Variants in ACTN1 observed in about 807,000 individuals in gnomAD.
The protein encoded by ACTN1 is actinin alpha 1, also known as alpha-actinin-1.
A neutral mutation model predicts 119.6 loss-of-function variants in ACTN1; 30 were observed. The ratio of observed to expected loss-of-function variants is 0.25; its 90% CI spans 0.19 to 0.34. The LOEUF (loss-of-function observed/expected upper bound fraction) is 0.34. Among genes scored for constraint, ACTN1 ranks in the 10% least tolerant of loss-of-function variants. ACTN1 has a pLI of 1.00. For synonymous variants in ACTN1, 429 were observed against 472.6 expected (o/e 0.91, Z 1.20); for missense variants, 764 against 1,223.4 (o/e 0.62, Z 5.60).
At chr14:68,975,831 G>A (rs1221804564) in intron 1 of ACTN1, among the ~76,000 whole-genome samples, 2 of 152,184 alleles carry the variant, frequency 1.3e-5, no homozygotes, top group African/African-American at 4.8e-5. Flanking sequence ...AGAGGGACAA[G>A]CCTCGGCCAA....
At position 68,880,453 on chromosome 14, in the gene ACTN1, G is replaced by A. The variant is rs115514060; in HGVS notation, c.2134-345C>T. ...AACCTCCAACCCCACAGCCACGCGC[G>A]CACACACACATACACACACACACAC... On this transcript the variant is annotated intron_variant, in intron 17 of 21. Coordinates refer to ENST00000394419, the MANE Select transcript of ACTN1 (RefSeq NM_001130004.2). This position sits in a 1 kb window ranked among gnomAD's most constrained non-coding sequence, Gnocchi z 4.6. 0.019 allele frequency among the ~76,000 whole-genome samples: 2,247 copies of A among 119,600 alleles called. 54 individuals are homozygous for A. The highest frequency in any genetic ancestry group is 0.076 in the African/African-American group (2,090 of 27,518). The allele number at this position is 119,600 out of a possible 152,430, so 78.5% of individuals were successfully genotyped here.
At chr14:68,912,943 GTGGA>G (rs2034090426) in intron 3 of ACTN1, among the ~76,000 whole-genome samples, 1 of 152,200 alleles carries the variant, frequency 6.6e-6, no homozygotes, top group African/African-American at 2.4e-5. Flanking sequence ...CCACCCACAC[GTGGA>G]AAAACAGTGG....
chr14:68,897,989 C>CGGA (rs1403391902), intron 8 of ACTN1, among the ~76,000 whole-genome samples: 20 of 152,366 alleles, frequency 1.3e-4, no homozygotes, highest in African/African-American at 4.8e-4. Flanking sequence ...CTTGCTAAGC[C>CGGA]TTCCCCCCAC....
chr14:68,882,424 G>GGGGGA lies in ACTN1; in HGVS notation c.1953+33_1953+34insTCCCC. ...GGATAGTGTCGGGGGGGAGGGGTGG[G>GGGGGA]AGCCCCAGCACTGCTTCCCAGCATG... On this transcript the variant is annotated intron_variant, in intron 16 of 21. Transcript: ENST00000394419. This position sits in a 1 kb window ranked among gnomAD's most constrained non-coding sequence, Gnocchi z 4.5. 9.2e-7 allele frequency: 1 copy of GGGGGA among 1,081,794 alleles called. No individual in the cohort carries two copies. Among genetic ancestry groups the GGGGGA allele is most frequent in the Non-Finnish European group, 1.4e-6 (1 of 734,402 alleles). 67.0% of individuals were successfully genotyped at this position (1,081,794 alleles called of 1,614,324 possible). A position where few individuals can be genotyped will look rare whatever the true frequency, so the allele number is the denominator to read the frequency against.
chr14:68,888,692 C>T (rs542623929), intron 11 of ACTN1, among the ~76,000 whole-genome samples: 22 of 152,258 alleles, frequency 1.4e-4, no homozygotes, highest in Admixed American at 3.3e-4. Context: ...GAGAGCATTA[C>T]CACCTGAGCT....
chr14:68,910,546 A>G (rs2033943795), intron 4 of ACTN1, among the ~76,000 whole-genome samples: 1 of 152,220 alleles, frequency 6.6e-6, no homozygotes, highest in Non-Finnish European at 1.5e-5. Flanking sequence ...GCACGGATCA[A>G]TACTGCTGCC....
In ACTN1 at chr14:68,892,181, G is replaced by A. The variant is rs374853341; in HGVS notation, c.958C>T (p.Arg320Trp). 8.0e-5 allele frequency: 129 copies of A among 1,614,044 alleles called. No homozygotes were observed. Among genetic ancestry groups the A allele is most frequent in the Non-Finnish European group, 9.8e-5 (116 of 1,180,044 alleles). ...ACCTTGGGCGGCTTGTGCAGGCGCCGGTAGTCCCGGAAGTCCTCCAGCTTC... is the reference window on the plus strand; with the variant it reads ...ACCTTGGGCGGCTTGTGCAGGCGCCAGTAGTCCCGGAAGTCCTCCAGCTTC... ...QQKLEDFRDY[R>W]RLHKPPKVQE... is the part of the protein sequence containing the mutation. Residue 320 changes from arginine (R) to tryptophan (W), a missense_variant, in exon 10 of 22, where the codon CGG (arginine) becomes TGG (tryptophan). Arg to Trp is a moderately radical substitution (Grantham distance 101). Coordinates refer to ENST00000394419, the MANE Select transcript of ACTN1 (RefSeq NM_001130004.2).
intron 4 of ACTN1, among the ~76,000 whole-genome samples, chr14:68,911,018 C>T (rs937626356): frequency 6.6e-6 from 1 of 152,130 alleles, no homozygotes; most frequent in African/African-American, 2.4e-5. Flanking sequence ...AGCGTGAAAA[C>T]GGACTAATAC....
chr14:68,910,659 CCT>C (rs144970331), intron 4 of ACTN1, among the ~76,000 whole-genome samples: 27,002 of 152,092 alleles, frequency 0.18, 3,230 homozygotes, highest in East Asian at 0.63. Flanking sequence ...ACACTACCCC[CCT>C]GCTAGGTTTG....
At chr14:68,920,416 A>G (rs938527312) in intron 3 of ACTN1, among the ~76,000 whole-genome samples, 1 of 152,266 alleles carries the variant, frequency 6.6e-6, no homozygotes, top group East Asian at 1.9e-4. Context: ...ACCCACTCTC[A>G]ATTTTTCAGA....
intron 1 of ACTN1, among the ~76,000 whole-genome samples, chr14:68,943,841 G>A (rs2035844584): frequency 6.6e-6 from 1 of 152,244 alleles, no homozygotes; most frequent in African/African-American, 2.4e-5. Flanking sequence ...AGGCAGAACT[G>A]AGGTGTGAAC....
intron 1 of ACTN1, among the ~76,000 whole-genome samples, chr14:68,938,480 G>T (rs1486835348): frequency 1.3e-5 from 2 of 152,096 alleles, no homozygotes; most frequent in Admixed American, 1.3e-4. Context: ...CTGTAAAATG[G>T]GGATAACAAG....
chr14:68,929,174 G>C (rs999774792), intron 1 of ACTN1, among the ~76,000 whole-genome samples: 1 of 152,200 alleles, frequency 6.6e-6, no homozygotes, highest in African/African-American at 2.4e-5. Flanking sequence ...CACCTCCGCA[G>C]AGGAGGTCTG....
At chr14:68,956,287 G>A (rs555527128) in intron 1 of ACTN1, among the ~76,000 whole-genome samples, 1 of 152,310 alleles carries the variant, frequency 6.6e-6, no homozygotes, top group South Asian at 2.1e-4. Flanking sequence ...GCAACATGGT[G>A]AGACCCTGTC....
At chr14:68,967,678 C>T (rs547003914) in intron 1 of ACTN1, among the ~76,000 whole-genome samples, 19 of 152,346 alleles carry the variant, frequency 1.2e-4, no homozygotes, top group East Asian at 5.8e-4. Context: ...AGGCAATGGC[C>T]GAGTGGCTGA....
chr14:68,923,820 T>C (rs1171512330), intron 2 of ACTN1, among the ~76,000 whole-genome samples: 6 of 152,122 alleles, frequency 3.9e-5, no homozygotes, highest in Non-Finnish European at 8.8e-5. Context: ...CCTAGCATTA[T>C]TCACAATACC....
At chr14:68,914,684 G>T (rs939310378) in intron 3 of ACTN1, among the ~76,000 whole-genome samples, 44 of 152,036 alleles carry the variant, frequency 2.9e-4, no homozygotes, top group African/African-American at 9.9e-4. Flanking sequence ...GAGGACTGGG[G>T]ACTGAGCCCA....
At chr14:68,974,931 G>A (rs1222167297) in intron 1 of ACTN1, among the ~76,000 whole-genome samples, 1 of 152,212 alleles carries the variant, frequency 6.6e-6, no homozygotes, top group African/African-American at 2.4e-5. Flanking sequence ...CAGGCCCCCA[G>A]GTCTTGTGTG....
At chr14:68,953,068 A>T (rs577202430) in intron 1 of ACTN1, among the ~76,000 whole-genome samples, 3 of 152,062 alleles carry the variant, frequency 2.0e-5, no homozygotes, top group African/African-American at 7.2e-5. Context: ...CTGCGCACCC[A>T]CCCCTGTCCC....
Sources: allele counts gnomAD v4.1 joint callset (sites outside exome capture counted in the v4.1 genomes callset), GRCh38; gene constraint gnomAD v4.1.1; non-coding constraint Gnocchi (gnomAD v3.1); transcripts MANE v1.5; gene names NCBI Gene and HGNC (gene_info 2026-07-23, HGNC 2026-07-21).